ADK: variants seen among roughly 807,000 people sequenced by gnomAD.
The protein encoded by ADK is N6,N6-dimethyladenosine kinase.
A neutral mutation model predicts 44.7 loss-of-function variants in ADK; 24 were observed. That is an observed-to-expected ratio of 0.54 (90% confidence interval 0.39 to 0.76). The LOEUF (loss-of-function observed/expected upper bound fraction) is 0.76, where lower values mean the gene tolerates loss of function less well. Ranked by LOEUF, ADK falls within the 30% of genes least tolerant of loss-of-function variation. The pLI is 0.00. For synonymous variants in ADK, 128 were observed against 142.6 expected (o/e 0.90, Z 0.73); for missense variants, 321 against 425.1 (o/e 0.76, Z 2.15).
intron 7 of ADK, among the ~76,000 whole-genome samples, chr10:74,566,087 G>A (rs1850658106): frequency 6.6e-6 from 1 of 151,732 alleles, no homozygotes; most frequent in Non-Finnish European, 1.5e-5. Context: ...ATAAGCATTT[G>A]CCTCCCAATT....
At chr10:74,581,021 TACACAC>T (rs143153735) in intron 7 of ADK, among the ~76,000 whole-genome samples, 1,884 of 145,270 alleles carry the variant, frequency 0.013, 19 homozygotes, top group African/African-American at 0.018. Context: ...CAATAATAAA[TACACAC>T]ACACACACAC....
At chr10:74,221,941 T>C (rs1425751079) in intron 2 of ADK, among the ~76,000 whole-genome samples, 2 of 152,158 alleles carry the variant, frequency 1.3e-5, no homozygotes, top group African/African-American at 2.4e-5. Flanking sequence ...TAGGCATTAC[T>C]ATTCAGGACA....
chr10:74,572,928 C>A (rs1228311967), intron 7 of ADK, among the ~76,000 whole-genome samples: 1 of 152,180 alleles, frequency 6.6e-6, no homozygotes, highest in Non-Finnish European at 1.5e-5. Context: ...AAGTTTTCAA[C>A]TTCTTTGCCT....
At chr10:74,578,426 T>G (rs1304060653) in intron 7 of ADK, among the ~76,000 whole-genome samples, 1 of 152,214 alleles carries the variant, frequency 6.6e-6, no homozygotes, top group African/African-American at 2.4e-5. Context: ...AGCCACCATG[T>G]CCAGCCTAGC....
chr10:74,302,971 A>G (rs1225612616), intron 3 of ADK, among the ~76,000 whole-genome samples: 2 of 152,148 alleles, frequency 1.3e-5, no homozygotes, highest in Non-Finnish European at 2.9e-5. Context: ...CTTGATAATC[A>G]TTTCTCTGTA....
intron 9 of ADK, among the ~76,000 whole-genome samples, chr10:74,612,695 C>A (rs556192154): frequency 6.6e-6 from 1 of 152,150 alleles, no homozygotes; most frequent in Middle Eastern, 3.4e-3. Context: ...GTCATAAATT[C>A]TTTGCCTAGG....
At position 74,595,371 on chromosome 10, in the gene ADK, C is replaced by CTTT. The variant is rs1223426277; in HGVS notation, c.763-4989_763-4987dup. 4.5e-4 allele frequency among the ~76,000 whole-genome samples: 41 copies of CTTT among 91,690 alleles called. 2 individuals are homozygous for CTTT. The highest frequency in any genetic ancestry group is 6.2e-4 in the African/African-American group (14 of 22,732). The allele number at this position is 91,690 out of a possible 152,430, so 60.2% of individuals were successfully genotyped here. A position where few individuals can be genotyped will look rare whatever the true frequency, so the allele number is the denominator to read the frequency against. On this transcript the variant is annotated intron_variant, in intron 8 of 10. Transcript: ENST00000539909. Reference sequence around the variant, plus strand: ...AATGACTTTGAGAAATGAAAAATACCTTTTTTTTTTTTTTTTTTTTTGGGG... The same window carrying CTTT: ...AATGACTTTGAGAAATGAAAAATACCTTTTTTTTTTTTTTTTTTTTTTTTGGGG...
chr10:74,302,094 T>TC (rs1840059175), intron 3 of ADK, among the ~76,000 whole-genome samples: 1 of 66,616 alleles, frequency 1.5e-5, no homozygotes. Context: ...TTTTCTGTTT[T>TC]TTTTTTGTTT....
rs377022993 is a variant in ADK at position 74,414,644 on chromosome 10, A to G, written c.555+16065A>G. On this transcript the variant is annotated intron_variant, in intron 6 of 10. Coordinates refer to ENST00000539909, the MANE Select transcript of ADK (RefSeq NM_006721.4). ...CCAGCACTTGAGAAGCTGAGGCAGGAGAATGGCTTGAACCTGGGAGGCAGA... is the reference window on the plus strand; with the variant it reads ...CCAGCACTTGAGAAGCTGAGGCAGGGGAATGGCTTGAACCTGGGAGGCAGA... Among the ~76,000 whole-genome samples, 36 of 152,290 alleles carry G rather than the reference A, an allele frequency of 2.4e-4. 1 individual carries two copies. Among genetic ancestry groups the G allele is most frequent in the Middle Eastern group, 6.8e-3 (2 of 294 alleles).
intron 4 of ADK, among the ~76,000 whole-genome samples, chr10:74,323,754 T>G (rs1389796991): frequency 1.3e-5 from 2 of 152,062 alleles, no homozygotes; most frequent in East Asian, 3.9e-4. Flanking sequence ...GCATTTTTAG[T>G]AGAGACGAGG....
At position 74,163,665 on chromosome 10, in the gene ADK, G is replaced by C. The variant is rs150408003; in HGVS notation, c.65+12322G>C. 7.2e-3 allele frequency among the ~76,000 whole-genome samples: 1,091 copies of C among 152,290 alleles called. 4 individuals carry two copies. The highest frequency in any genetic ancestry group is 0.034 in the Middle Eastern group (10 of 294). On this transcript the variant is annotated intron_variant, in intron 1 of 10. Coordinates refer to ENST00000539909, the MANE Select transcript of ADK (RefSeq NM_006721.4). ...AAAAAGTCAAATTCAGATGTCTTAG[G>C]TTTTCTCAAATTCCTTTAATCTCGA...
At chr10:74,275,841 A>G (rs367796604) in intron 3 of ADK, among the ~76,000 whole-genome samples, 24 of 152,080 alleles carry the variant, frequency 1.6e-4, no homozygotes, top group African/African-American at 5.8e-4. Context: ...GGGTTTCGCT[A>G]TGTTGGCCAG....
At chr10:74,177,717 A>T (rs1239145505) in intron 1 of ADK, among the ~76,000 whole-genome samples, 2 of 152,030 alleles carry the variant, frequency 1.3e-5, no homozygotes, top group African/African-American at 4.8e-5. Flanking sequence ...AGAGAAAGGG[A>T]GGCCCCAGCA....
At chr10:74,206,753 C>T (rs1327689804) in intron 2 of ADK, among the ~76,000 whole-genome samples, 1 of 152,118 alleles carries the variant, frequency 6.6e-6, no homozygotes, top group Non-Finnish European at 1.5e-5. Flanking sequence ...GTTTTTCACT[C>T]AACATTATGT....
chr10:74,373,860 A>G lies in ADK; in HGVS notation c.274-20281A>G, dbSNP rs916829321. ...AATGTTTATAGCAGCATTATGTATA[A>G]TAGCCTAAACATGGAAACAACCCAA... On this transcript the variant is annotated intron_variant, in intron 4 of 10. Coordinates refer to ENST00000539909, the MANE Select transcript of ADK (RefSeq NM_006721.4). Among the ~76,000 whole-genome samples, 11 of 152,350 alleles carry G rather than the reference A, an allele frequency of 7.2e-5. 1 individual carries two copies. The highest frequency in any genetic ancestry group is 6.5e-4 in the Admixed American group (10 of 15,306).
chr10:74,162,649 A>G (rs1315857136), intron 1 of ADK, among the ~76,000 whole-genome samples: 1 of 151,162 alleles, frequency 6.6e-6, no homozygotes, highest in Admixed American at 6.6e-5. Flanking sequence ...GGTTCAAGCA[A>G]TTCTCCTGCC....
rs67693938 is a variant in ADK, at chr10:74,184,501, T to TTGTGTG, written c.66-16225_66-16220dup. On this transcript the variant is annotated intron_variant, in intron 1 of 10. Transcript: ENST00000539909. ...ACACACCACCATGCCTGGCTATATT[T>TTGTGTG]TGTGTGTGTGTGTGTGTGTGTGTGT... 3.6e-3 allele frequency among the ~76,000 whole-genome samples: 505 copies of TTGTGTG among 138,496 alleles called. 2 individuals carry two copies. Among genetic ancestry groups the TTGTGTG allele is most frequent in the African/African-American group, 8.7e-3 (321 of 36,720 alleles). The allele number at this position is 138,496 out of a possible 152,430, so 90.9% of individuals were successfully genotyped here.
chr10:74,626,346 C>G (rs1288613973), intron 9 of ADK, among the ~76,000 whole-genome samples: 1 of 149,072 alleles, frequency 6.7e-6, no homozygotes, highest in East Asian at 2.0e-4. Context: ...TGTCCCCAGG[C>G]TGGAGTGCAA....
chr10:74,385,589 T>C (rs1843114313), intron 4 of ADK, among the ~76,000 whole-genome samples: 1 of 152,184 alleles, frequency 6.6e-6, no homozygotes, highest in African/African-American at 2.4e-5. Flanking sequence ...TCAACAAATA[T>C]TGGTGGAATG....
Sources: allele counts gnomAD v4.1 joint callset (sites outside exome capture counted in the v4.1 genomes callset), GRCh38; gene constraint gnomAD v4.1.1; transcripts MANE v1.5; gene names NCBI Gene and HGNC (gene_info 2026-07-23, HGNC 2026-07-21).